Variants in TBC1D5 observed in about 807,000 individuals in gnomAD.
The protein encoded by TBC1D5 is TBC1 domain family, member 5.
Under a neutral mutation model 100.3 loss-of-function variants are expected in TBC1D5, and 75 were observed. That is an observed-to-expected ratio of 0.75 (90% CI 0.62 to 0.91). The LOEUF (loss-of-function observed/expected upper bound fraction) is 0.91, where lower values mean the gene tolerates loss of function less well. Among genes scored for constraint, TBC1D5 ranks in the 40% least tolerant of loss-of-function variants. The probability of loss-of-function intolerance (pLI) is 0.00; values close to 1 mark genes in which losing one functional copy is unlikely to be tolerated. For synonymous variants in TBC1D5, 323 were observed against 325.6 expected, an observed-to-expected ratio of 0.99 and a Z score of 0.09; for missense variants, 910 against 942.4, an observed-to-expected ratio of 0.97 and a Z score of 0.45.
At chr3:17,586,482 G>A (rs544423910) in intron 2 of TBC1D5, 9 of 152,184 alleles carry the variant, frequency 5.9e-5, no homozygotes, top group Admixed American at 3.9e-4. Flanking sequence ...TTTGCAAACA[G>A]AAATTGAAGA....
chr3:17,542,009 C>G (rs567891241), intron 2 of TBC1D5, among the ~76,000 whole-genome samples: 31 of 152,162 alleles, frequency 2.0e-4, no homozygotes, highest in Middle Eastern at 3.4e-3. Flanking sequence ...CAATTATGAC[C>G]AAGGGTGGTA....
At chr3:17,536,027 T>G (rs928720468) in intron 2 of TBC1D5, among the ~76,000 whole-genome samples, 2 of 152,182 alleles carry the variant, frequency 1.3e-5, no homozygotes, top group African/African-American at 4.8e-5. Flanking sequence ...AAATTACCTT[T>G]TAATGAACCA....
intron 1 of TBC1D5, among the ~76,000 whole-genome samples, chr3:17,726,617 T>G (rs2076150905): frequency 6.6e-6 from 1 of 152,248 alleles, no homozygotes; most frequent in South Asian, 2.1e-4. Flanking sequence ...ATATTATACC[T>G]CTGTTGGATG....
intron 13 of TBC1D5, among the ~76,000 whole-genome samples, chr3:17,324,411 G>A (rs1416396027): frequency 6.6e-6 from 1 of 152,224 alleles, no homozygotes; most frequent in Non-Finnish European, 1.5e-5. Context: ...GGAGGCCGCG[G>A]CAGGCGGATC....
At chr3:17,411,900 TCTC>T (rs2093936493) in intron 4 of TBC1D5, among the ~76,000 whole-genome samples, 1 of 152,088 alleles carries the variant, frequency 6.6e-6, no homozygotes, top group African/African-American at 2.4e-5. Flanking sequence ...AGGCATAACA[TCTC>T]AAACTGATGA....
At chr3:17,178,097 G>A (rs1366068268) in intron 19 of TBC1D5, among the ~76,000 whole-genome samples, 27 of 129,294 alleles carry the variant, frequency 2.1e-4, no homozygotes, top group South Asian at 9.3e-4. Flanking sequence ...ATGGAGTCTC[G>A]CTCTGTCGCC....
At chr3:17,344,599 G>A (rs926382568) in intron 13 of TBC1D5, among the ~76,000 whole-genome samples, 10 of 152,152 alleles carry the variant, frequency 6.6e-5, no homozygotes, top group African/African-American at 1.4e-4. Context: ...AAAAGAGCCC[G>A]CATCGCCAAG....
At chr3:17,383,054 T>C (rs1029640868) in intron 9 of TBC1D5, among the ~76,000 whole-genome samples, 1 of 152,064 alleles carries the variant, frequency 6.6e-6, no homozygotes, top group Admixed American at 6.6e-5. Flanking sequence ...GGGTATTCTA[T>C]GTATATACAA....
In TBC1D5 at chr3:17,563,223, G is replaced by A. The variant is rs568849679; in HGVS notation, c.-35-54618C>T. ...ATATAATAAATTTAATTCTAGACTC[G>A]TCAAATTTGAGGATCCATCATGGAA... On this transcript the variant is annotated intron_variant, in intron 2 of 21. Coordinates refer to ENST00000253692, the Ensembl canonical transcript of TBC1D5. Among the ~76,000 whole-genome samples, 19 of 152,286 alleles carry A rather than the reference G, an allele frequency of 1.2e-4. No homozygotes were observed. The East Asian group carries it at 1.3e-3, about 11-fold the overall frequency.
At chr3:17,467,431 T>C (rs1016518195) in intron 3 of TBC1D5, among the ~76,000 whole-genome samples, 7 of 152,116 alleles carry the variant, frequency 4.6e-5, no homozygotes, top group African/African-American at 1.7e-4. Flanking sequence ...AGGTCCAGGT[T>C]CAATCTAGAC....
At chr3:17,548,918 T>G (rs113250964) in intron 2 of TBC1D5, among the ~76,000 whole-genome samples, 3 of 152,234 alleles carry the variant, frequency 2.0e-5, no homozygotes, top group African/African-American at 7.2e-5. Flanking sequence ...ACCTTTAAAT[T>G]TACCTATTGA....
At chr3:17,290,610 C>G (rs1020247091) in intron 15 of TBC1D5, among the ~76,000 whole-genome samples, 1 of 152,094 alleles carries the variant, frequency 6.6e-6, no homozygotes, top group African/African-American at 2.4e-5. Context: ...CCTCATTGAC[C>G]AGTAACCTCA....
intron 1 of TBC1D5, among the ~76,000 whole-genome samples, chr3:17,665,627 T>G (rs1052660448): frequency 1.2e-4 from 19 of 152,210 alleles, no homozygotes; most frequent in Admixed American, 3.3e-4. Context: ...CCGGGTTAAC[T>G]GTTTCAATGG....
At chr3:17,583,703 C>T (rs1232881332) in intron 2 of TBC1D5, among the ~76,000 whole-genome samples, 2 of 152,044 alleles carry the variant, frequency 1.3e-5, no homozygotes, top group East Asian at 1.9e-4. Flanking sequence ...TTCCAGGCCA[C>T]GCAACAGAGC....
At chr3:17,161,331 CTGGG>C in intron 21 of TBC1D5, 75 bp from the exon 23 acceptor site, 1 of 1,490,628 alleles carries the variant, frequency 6.7e-7, no homozygotes, top group Non-Finnish European at 9.0e-7. Flanking sequence ...GCCCTGTGAA[CTGGG>C]GGACTCGTGG....
intron 15 of TBC1D5, among the ~76,000 whole-genome samples, chr3:17,274,638 A>T (rs2079789483): frequency 6.6e-6 from 1 of 152,158 alleles, no homozygotes; most frequent in Admixed American, 6.5e-5. Context: ...GCCTTCTACA[A>T]ATTTTCCCAC....
chr3:17,319,993 G>T (rs1275832345), intron 13 of TBC1D5, among the ~76,000 whole-genome samples: 1 of 152,186 alleles, frequency 6.6e-6, no homozygotes, highest in Non-Finnish European at 1.5e-5. Context: ...CTTTATTATG[G>T]TTGTGTAGTA....
intron 8 of TBC1D5, among the ~76,000 whole-genome samples, chr3:17,398,296 T>C (rs1189150702): frequency 6.6e-6 from 1 of 152,080 alleles, no homozygotes. Context: ...ATTGAAATGA[T>C]TGCAAAACGC....
chr3:17,417,377 T>C (rs2094107823), intron 4 of TBC1D5, among the ~76,000 whole-genome samples: 1 of 141,088 alleles, frequency 7.1e-6, no homozygotes. Context: ...GAGTGTGATG[T>C]TCCCCTTCCT....
Sources: gnomAD v4.1 joint callset for allele counts (sites outside exome capture counted in the v4.1 genomes callset) on GRCh38, gnomAD v4.1.1 for gene constraint, MANE v1.5 for transcripts, NCBI Gene and HGNC (gene_info 2026-07-23, HGNC 2026-07-21) for gene names.